CACTIN: variants seen among roughly 807,000 people sequenced by gnomAD.
The protein encoded by CACTIN is cactin, spliceosome C complex subunit, also known as splicing factor Cactin.
In CACTIN, 20 loss-of-function variants were observed where a neutral mutation model predicts 84.9. The ratio of observed to expected loss-of-function variants is 0.24; its 90% CI spans 0.17 to 0.34. The LOEUF is 0.34. Ranked by LOEUF, CACTIN falls within the 10% of genes least tolerant of loss-of-function variation. The probability of loss-of-function intolerance (pLI) is 1.00; values close to 1 mark genes in which losing one functional copy is unlikely to be tolerated. For synonymous variants in CACTIN, 549 were observed against 467.9 expected (o/e 1.17, Z -2.24); for missense variants, 897 against 1,117.2 (o/e 0.80, Z 2.81).
At position 3,613,150 on chromosome 19, in the gene CACTIN, G is replaced by T; in HGVS notation, c.1694C>A (p.Thr565Lys). Residue 565 changes from threonine to lysine, a missense_variant, in exon 9 of 10, where the codon ACG becomes AAG. Thr to Lys is a moderately conservative substitution (Grantham distance 78). Around this residue, in one of 8 missense-constraint regions of CACTIN, gnomAD observed 243 missense variants for 239.9 expected, o/e 1.01. Transcript: ENST00000429344. ...DAGRYSPRLL[T>K]AHELPLDAHV... ...CGCGTCCAGTGGCAGCTCGTGCGCC[G>T]TGAGCAGCCGCGGGCTGTACCTGCC... 6.2e-7 allele frequency: 1 copy of T among 1,609,238 alleles called. No homozygotes were observed. The highest frequency in any genetic ancestry group is 8.5e-7 in the Non-Finnish European group (1 of 1,179,170).
chr19:3,620,647 G>T, intron 3 of CACTIN, 60 bp downstream of exon 3: 1 of 1,379,158 alleles, frequency 7.3e-7, no homozygotes, highest in Non-Finnish European at 9.9e-7. Context: ...TGCCAAAGGG[G>T]GCGGGCCTCC....
At position 3,626,759 on chromosome 19, in the gene CACTIN, C is replaced by A. The variant is rs868759611; in HGVS notation, c.4G>T (p.Gly2Cys). The A allele has an allele frequency of 1.4e-6, 2 of 1,435,854 alleles. No homozygotes were observed. Among genetic ancestry groups the A allele is most frequent in the Admixed American group, 2.6e-5 (1 of 37,834 alleles). The allele number at this position is 1,435,854 out of a possible 1,614,324, so 88.9% of individuals were successfully genotyped here. A position where few individuals can be genotyped will look rare whatever the true frequency, so the allele number is the denominator to read the frequency against. The change falls in exon 1 of 10, where the codon GGT becomes TGT. Residue 2 changes from glycine to cysteine, a missense_variant. Gly to Cys is a radical substitution (Grantham distance 159, BLOSUM62 -3). Transcript: ENST00000429344. M[G>C]RDTRSRSRSA... The stretch of plus-strand genomic sequence containing the variant: ...CGCGAGCGCGAGCGTGTGTCCCGAC[C>A]CATCGGCTGGGCCAGTGGCCGCGGC...
At chr19:3,625,305 C>T (rs906348731) in intron 1 of CACTIN, among the ~76,000 whole-genome samples, 2 of 152,178 alleles carry the variant, frequency 1.3e-5, no homozygotes, top group African/African-American at 4.8e-5. Flanking sequence ...TTGCAGAGCC[C>T]TTAAATATTG....
chr19:3,625,234 G>C (rs2145338879), intron 1 of CACTIN, among the ~76,000 whole-genome samples: 1 of 152,182 alleles, frequency 6.6e-6, no homozygotes, highest in East Asian at 1.9e-4. Context: ...CAAATATTTT[G>C]TTAAATGCTC....
Position 3,620,228 on chromosome 19 carries a change from G to A in CACTIN, c.783C>T (p.Arg261=), listed in dbSNP as rs542494285. 8.4e-5 allele frequency: 135 copies of A among 1,599,038 alleles called. 1 individual carries two copies. Among genetic ancestry groups the A allele is most frequent in the South Asian group, 7.6e-4 (68 of 89,162 alleles). The change falls in exon 4 of 10, where the codon CGC becomes CGT. Residue 261 remains arginine, a synonymous_variant. Coordinates refer to ENST00000429344, the MANE Select transcript of CACTIN (RefSeq NM_001080543.2). ...GCTGCAGCATCTCCAGCTCCTGCTC[G>A]CGCATGGCCTTCTCCCGCTCCCGCT... is the stretch of plus-strand genomic sequence containing the variant. ...RLEREREKAM[R]EQELEMLQRE...
In CACTIN at chr19:3,623,792, T is replaced by C; in HGVS notation, c.538A>G (p.Lys180Glu). The change falls in exon 2 of 10, where the codon AAG becomes GAG. Residue 180 changes from lysine to glutamate, a missense_variant. Lys to Glu is a moderately conservative substitution (Grantham distance 56, BLOSUM62 1). Around this residue, in one of 8 missense-constraint regions of CACTIN, gnomAD observed 304 missense variants for 444.3 expected, o/e 0.68. Transcript: ENST00000429344. ...RLAKKEAKER[K>E]KREKMGWGEE... ...CCCCAGCCCATCTTCTCCCGCTTCT[T>C]GCGCTCCTTGGCCTCCTTCTTGGCC... The C allele has an allele frequency of 6.2e-7, 1 of 1,613,940 alleles. No homozygotes were observed. Among genetic ancestry groups the C allele is most frequent in the Non-Finnish European group, 8.5e-7 (1 of 1,179,874 alleles).
intron 7 of CACTIN, 112 bp from the exon 8 acceptor site, chr19:3,613,698 C>G: frequency 3.5e-6 from 5 of 1,434,236 alleles, no homozygotes; most frequent in Non-Finnish European, 4.7e-6. Context: ...AGGTGGCGAG[C>G]AGCCACGGCT....
At chr19:3,613,643 C>T (rs2033033225) in intron 7 of CACTIN, 57 bp from the exon 8 acceptor site, 20 of 1,548,284 alleles carry the variant, frequency 1.3e-5, no homozygotes, top group Non-Finnish European at 3.5e-6. Context: ...GCGCCCCACC[C>T]CCACCGAGAT....
chr19:3,611,064 G>A lies in CACTIN; in HGVS notation c.*859C>T, dbSNP rs1411418072. On this transcript the variant is annotated 3_prime_UTR_variant, in exon 10 of 10. Coordinates refer to ENST00000429344, the MANE Select transcript of CACTIN (RefSeq NM_001080543.2). ...GCTCCAAGGCCCCGTGAGCAGGCCA[G>A]GTGGGGGGATCCCTGGGGGAAGCCC... 1.5e-5 allele frequency: 6 copies of A among 410,602 alleles called. No homozygotes were observed. The highest frequency in any genetic ancestry group is 5.2e-5 in the South Asian group (3 of 57,198). The allele number at this position is 410,602 out of a possible 1,614,324, so 25.4% of individuals were successfully genotyped here. A position where few individuals can be genotyped will look rare whatever the true frequency, so the allele number is the denominator to read the frequency against.
chr19:3,617,383 C>T (rs2033125546), intron 6 of CACTIN, among the ~76,000 whole-genome samples: 1 of 152,238 alleles, frequency 6.6e-6, no homozygotes, highest in Non-Finnish European at 1.5e-5. Flanking sequence ...CCCTCGGTTC[C>T]CTACTCCTGG....
intron 1 of CACTIN, among the ~76,000 whole-genome samples, chr19:3,625,412 G>T (rs2033313395): frequency 6.6e-6 from 1 of 152,090 alleles, no homozygotes; most frequent in Admixed American, 6.5e-5. Context: ...AAAATGGTAG[G>T]CGAAAAAACA....
Position 3,610,947 on chromosome 19 carries a change from C to T in CACTIN, c.*976G>A, listed in dbSNP as rs1568289082. The T allele has an allele frequency of 2.2e-6, 1 of 456,738 alleles. No individual in the cohort carries two copies. The allele number at this position is 456,738 out of a possible 1,614,324, so 28.3% of individuals were successfully genotyped here. On this transcript the variant is annotated 3_prime_UTR_variant, in exon 10 of 10. Coordinates refer to ENST00000429344, the MANE Select transcript of CACTIN (RefSeq NM_001080543.2). Reference sequence around the variant, plus strand: ...GCCACTCCGACCTGGGCTGTGGCACCCGTGTGGCCCTCGGCCCTCCTGGCC... The same window carrying T: ...GCCACTCCGACCTGGGCTGTGGCACTCGTGTGGCCCTCGGCCCTCCTGGCC...
chr19:3,621,019 A>G (rs2033212587), intron 2 of CACTIN: 1 of 655,754 alleles, frequency 1.5e-6, no homozygotes, highest in Non-Finnish European at 2.8e-6. Context: ...GATGTATGCA[A>G]AGGGTAAGAA....
At position 3,613,075 on chromosome 19, in the gene CACTIN, TGGCGCGAGAGCTGCA is replaced by T. The variant is rs749642397; in HGVS notation, c.1754_1768del (p.Leu585_Arg589del). On this transcript the variant is annotated inframe_deletion, in exon 9 of 10. Coordinates refer to ENST00000429344, the MANE Select transcript of CACTIN (RefSeq NM_001080543.2). Reference sequence around the variant, plus strand: ...GCCCTTACCCGTGACCTGGAGCTGCTGGCGCGAGAGCTGCAGGCGCTGCAGGTCCTCATCCGGTTC... The same window carrying T: ...GCCCTTACCCGTGACCTGGAGCTGCTGGCGCTGCAGGTCCTCATCCGGTTC... The T allele has an allele frequency of 1.9e-6, 3 of 1,556,262 alleles. No individual in the cohort carries two copies. The highest frequency in any genetic ancestry group is 2.6e-6 in the Non-Finnish European group (3 of 1,156,164).
intron 2 of CACTIN, among the ~76,000 whole-genome samples, chr19:3,622,182 A>G (rs2033238006): frequency 6.6e-6 from 1 of 151,992 alleles, no homozygotes; most frequent in Admixed American, 6.6e-5. Flanking sequence ...CCTGACCAAC[A>G]TGGTTAAACT....
rs908751432 is a variant in CACTIN at position 3,611,440 on chromosome 19, G to A, written c.*483C>T. On this transcript the variant is annotated 3_prime_UTR_variant, in exon 10 of 10. Transcript: ENST00000429344. ...GCGGGCTCTGCCTCACGCCCAGTGG[G>A]TGCCCCGTGATGTGGCAGGGCTGGC... 2 of 408,226 alleles carry A rather than the reference G, an allele frequency of 4.9e-6. No individual in the cohort carries two copies. Among genetic ancestry groups the A allele is most frequent in the East Asian group, 7.5e-5 (1 of 13,306 alleles). The allele number at this position is 408,226 out of a possible 1,614,324, so 25.3% of individuals were successfully genotyped here. A position where few individuals can be genotyped will look rare whatever the true frequency, so the allele number is the denominator to read the frequency against.
rs760881902 is a variant in CACTIN at position 3,610,861 on chromosome 19, T to G, written c.*1062A>C. The G allele has an allele frequency of 8.8e-6, 4 of 456,654 alleles. No individual in the cohort carries two copies. Among genetic ancestry groups the G allele is most frequent in the Non-Finnish European group, 1.8e-5 (4 of 226,986 alleles). 28.3% of individuals were successfully genotyped at this position (456,654 alleles called of 1,614,324 possible). ...CCCTCTGGGGGTCCGGGAGGCACTT[T>G]CCGTTTTGCTTCTGTTGGAGATGTT... On this transcript the variant is annotated 3_prime_UTR_variant, in exon 10 of 10. Transcript: ENST00000429344.
chr19:3,620,595 G>A (rs1691676222), intron 3 of CACTIN, 112 bp downstream of exon 3: 1 of 823,132 alleles, frequency 1.2e-6, no homozygotes, highest in Non-Finnish European at 1.9e-6. Flanking sequence ...AGCCTTACCT[G>A]AAGCCAGCCC....
chr19:3,614,235 C>T (rs535963936), intron 7 of CACTIN, 162 bp downstream of exon 7: 19 of 759,978 alleles, frequency 2.5e-5, no homozygotes, highest in Non-Finnish European at 3.4e-5. Flanking sequence ...GGCCCCCCTT[C>T]GTCACTCACA....
Sources: gnomAD v4.1 joint callset for allele counts (sites outside exome capture counted in the v4.1 genomes callset) on GRCh38, gnomAD v4.1.1 for gene constraint, gnomAD v4.1.1 regional missense constraint, MANE v1.5 for transcripts, NCBI Gene and HGNC (gene_info 2026-07-23, HGNC 2026-07-21) for gene names.